The following SCLT1 variants were observed in gnomAD, a reference collection of about 807,000 sequenced individuals.
The protein encoded by SCLT1 is sodium channel and clathrin linker 1.
SCLT1 carries 78 observed loss-of-function variants against 112.8 expected under a neutral mutation model. That is an observed-to-expected ratio of 0.69 (90% CI 0.58 to 0.83). The LOEUF is 0.83. Ranked by LOEUF, SCLT1 falls within the 40% of genes least tolerant of loss-of-function variation. The probability of loss-of-function intolerance (pLI) is 0.00; values close to 1 mark genes in which losing one functional copy is unlikely to be tolerated. For missense variants in SCLT1, 747 were observed against 770.4 expected (o/e 0.97, Z 0.36); for synonymous variants, 257 against 254.7 (o/e 1.01, Z -0.09).
At chr4:128,995,695 TG>T (rs1742954561) in intron 8 of SCLT1, among the ~76,000 whole-genome samples, 3 of 151,996 alleles carry the variant, frequency 2.0e-5, no homozygotes, top group Admixed American at 6.6e-5. Flanking sequence ...TGTGATGAGC[TG>T]GGGGGTAGGG....
intron 16 of SCLT1, 151 bp from the exon 17 acceptor site, chr4:128,943,339 T>C (rs1737872180): frequency 1.8e-6 from 1 of 569,006 alleles, no homozygotes; most frequent in Non-Finnish European, 3.0e-6. Context: ...GGTTTCAAAA[T>C]GTTATGTTAT....
At chr4:128,958,895 G>A (rs113823956) in intron 12 of SCLT1, among the ~76,000 whole-genome samples, 47 of 152,108 alleles carry the variant, frequency 3.1e-4, no homozygotes, top group Admixed American at 1.0e-3. Context: ...AAAATCCTCT[G>A]TAAAAAGGGA....
Position 128,943,045 on chromosome 4 carries a change from T to C in SCLT1, c.1583A>G (p.Glu528Gly), listed in dbSNP as rs750649119. The change falls in exon 17 of 21, where the codon GAG becomes GGG. Residue 528 changes from glutamate to glycine, a missense_variant. By Grantham distance (98) the Glu-to-Gly change is moderately conservative. Coordinates refer to ENST00000281142, the MANE Select transcript of SCLT1 (RefSeq NM_144643.4). ...QENKQLRKET[E>G]SLRKIALEAQ... Reference sequence around the variant, plus strand: ...CTCCAGGGCAATCTTCCTTAAACTCTCAGTCTCTTTCCGTAACTGTTTATT... The same window carrying C: ...CTCCAGGGCAATCTTCCTTAAACTCCCAGTCTCTTTCCGTAACTGTTTATT... The C allele has an allele frequency of 1.9e-6, 3 of 1,613,038 alleles. No homozygotes were observed. The highest frequency in any genetic ancestry group is 2.2e-5 in the South Asian group (2 of 90,982).
chr4:128,917,595 T>A, intron 18 of SCLT1, among the ~76,000 whole-genome samples: 1 of 152,166 alleles, frequency 6.6e-6, no homozygotes, highest in East Asian at 1.9e-4. Context: ...GTGGGATACT[T>A]TTAAAGAATA....
At chr4:129,026,733 A>C (rs1178839708) in intron 5 of SCLT1, among the ~76,000 whole-genome samples, 1 of 152,196 alleles carries the variant, frequency 6.6e-6, no homozygotes, top group African/African-American at 2.4e-5. Flanking sequence ...AGACACAAAA[A>C]ACCCTTCAAA....
At chr4:128,991,479 C>T (rs921911329) in intron 9 of SCLT1, among the ~76,000 whole-genome samples, 6 of 151,432 alleles carry the variant, frequency 4.0e-5, no homozygotes, top group Non-Finnish European at 7.4e-5. Flanking sequence ...CATATGGGAT[C>T]GTATCAAGCT....
intron 2 of SCLT1, among the ~76,000 whole-genome samples, chr4:129,053,557 A>ATTTTTTTTTTTTTTGTTT (rs1749042603): frequency 2.2e-5 from 1 of 45,218 alleles, no homozygotes; most frequent in Non-Finnish European, 3.9e-5. Flanking sequence ...GCAATCCCTG[A>ATTTTTTTTTTTTTTGTTT]TTTTTTTTTT....
chr4:129,049,246 A>C (rs988555693), intron 2 of SCLT1, among the ~76,000 whole-genome samples: 2 of 151,770 alleles, frequency 1.3e-5, no homozygotes, highest in Non-Finnish European at 2.9e-5. Flanking sequence ...TCCAACAATG[A>C]TAGACTGGAT....
chr4:128,900,980 T>A (rs1734237823), intron 18 of SCLT1, among the ~76,000 whole-genome samples: 1 of 151,946 alleles, frequency 6.6e-6, no homozygotes, highest in Admixed American at 6.6e-5. Flanking sequence ...TGAGATACCA[T>A]CTCACACCCG....
chr4:129,057,203 C>T (rs1246940445), intron 2 of SCLT1, among the ~76,000 whole-genome samples: 1 of 151,968 alleles, frequency 6.6e-6, no homozygotes, highest in African/African-American at 2.4e-5. Context: ...GTAAATAATC[C>T]TTTTAATATG....
At chr4:128,984,343 G>C (rs1433945217) in intron 9 of SCLT1, among the ~76,000 whole-genome samples, 2 of 152,036 alleles carry the variant, frequency 1.3e-5, no homozygotes, top group African/African-American at 4.8e-5. Flanking sequence ...AAGCTCACTA[G>C]ATTAGCAGTT....
At chr4:129,047,822 T>C (rs1748332152) in intron 2 of SCLT1, among the ~76,000 whole-genome samples, 1 of 152,098 alleles carries the variant, frequency 6.6e-6, no homozygotes, top group South Asian at 2.1e-4. Context: ...TTGCTCCTTT[T>C]TTAATTAGAT....
chr4:128,965,346 C>G, intron 10 of SCLT1, 28 bp from the exon 11 acceptor site: 1 of 1,431,760 alleles, frequency 7.0e-7, no homozygotes, highest in Non-Finnish European at 9.8e-7. Context: ...TAGAAGCTTA[C>G]TTTGAGTATG....
intron 14 of SCLT1, among the ~76,000 whole-genome samples, chr4:128,951,829 C>G (rs1560884150): frequency 6.6e-6 from 1 of 152,100 alleles, no homozygotes; most frequent in Non-Finnish European, 1.5e-5. Context: ...CAAACAAATA[C>G]AAAATAAATA....
chr4:129,061,813 G>T (rs576304679), intron 2 of SCLT1, among the ~76,000 whole-genome samples: 1 of 152,200 alleles, frequency 6.6e-6, no homozygotes, highest in East Asian at 1.9e-4. Context: ...ATGAAGGGGA[G>T]CTACTTGCCC....
At chr4:129,061,363 C>G (rs1749953468) in intron 2 of SCLT1, among the ~76,000 whole-genome samples, 1 of 152,066 alleles carries the variant, frequency 6.6e-6, no homozygotes, top group Non-Finnish European at 1.5e-5. Context: ...AGTCCAGCTC[C>G]AGGGAAGCAG....
intron 15 of SCLT1, among the ~76,000 whole-genome samples, chr4:128,947,378 A>G (rs887503580): frequency 1.3e-5 from 2 of 152,222 alleles, no homozygotes; most frequent in African/African-American, 2.4e-5. Flanking sequence ...AGTGGTAACC[A>G]AAAGTCCTAT....
At chr4:128,894,359 AAGTAACACACACACACACACACACAC>A (rs1304098546) in intron 18 of SCLT1, among the ~76,000 whole-genome samples, 1 of 108,514 alleles carries the variant, frequency 9.2e-6, no homozygotes, top group African/African-American at 3.7e-5. Flanking sequence ...TTCATTGAGT[AAGTAACACACACACACACACACACAC>A]ACACACACAC....
intron 5 of SCLT1, among the ~76,000 whole-genome samples, chr4:129,013,651 G>A (rs1744736406): frequency 6.6e-6 from 1 of 152,180 alleles, no homozygotes; most frequent in South Asian, 2.1e-4. Context: ...CTTCTGGCTT[G>A]TAGGGTTTCT....
Sources: gnomAD v4.1 joint callset for allele counts (sites outside exome capture counted in the v4.1 genomes callset) on GRCh38, gnomAD v4.1.1 for gene constraint, MANE v1.5 for transcripts, NCBI Gene and HGNC (gene_info 2026-07-23, HGNC 2026-07-21) for gene names.